The following RPL6 variants were observed in gnomAD, a reference collection of about 807,000 sequenced individuals.
The protein encoded by RPL6 is large ribosomal subunit protein eL6.
Under a neutral mutation model 32.1 loss-of-function variants are expected in RPL6, and 1 was observed. The observed-to-expected ratio is 0.03, with a 90% CI of 0.01 to 0.15. RPL6 has a LOEUF of 0.15. Among genes scored for constraint, RPL6 ranks in the 10% least tolerant of loss-of-function variants. The probability of loss-of-function intolerance (pLI) is 1.00; values close to 1 mark genes in which losing one functional copy is unlikely to be tolerated. For synonymous variants in RPL6, 126 were observed against 131.6 expected, an observed-to-expected ratio of 0.96 and a Z score of 0.29; for missense variants, 275 against 354.6, an observed-to-expected ratio of 0.78 and a Z score of 1.80.
rs748847984 is a variant in RPL6, at chr12:112,406,820, T to G, written c.407A>C (p.His136Pro). 6.2e-7 allele frequency: 1 copy of G among 1,614,234 alleles called. No homozygotes were observed. The highest frequency in any genetic ancestry group is 8.5e-7 in the Non-Finnish European group (1 of 1,180,038). ...LSHGKKPFSQ[H>P]VRKLRASITP... ...AATGCTGGCTCGCAGTTTTCTCACG[T>G]GCTGACTGAAGGGTTTTTTGCCGTG... is the stretch of plus-strand genomic sequence containing the variant. Residue 136 changes from histidine to proline, a missense_variant, in exon 4 of 7, where the codon CAC becomes CCC. Physicochemically the swap from His to Pro is moderately conservative, Grantham distance 77. Coordinates refer to ENST00000202773, the MANE Select transcript of RPL6 (RefSeq NM_000970.6).
chr12:112,409,219 G>A (rs750502834), intron 1 of RPL6: 2 of 370,582 alleles, frequency 5.4e-6, no homozygotes, highest in East Asian at 7.9e-5. Context: ...GCTTCAGTGC[G>A]GAACCCCAAC....
At position 112,408,433 on chromosome 12, in the gene RPL6, G is replaced by A. The variant is rs1317681229; in HGVS notation, c.224C>T (p.Ala75Val). 1 of 1,614,136 alleles carries A rather than the reference G, an allele frequency of 6.2e-7. No individual in the cohort carries two copies. The highest frequency in any genetic ancestry group is 2.2e-5 in the East Asian group (1 of 44,886). ...RKAMYKRKYSAAKSKVEKKKK... is the reference protein window; with the variant it reads ...RKAMYKRKYSVAKSKVEKKKK... ...CTCTTCCCTTACCTTGGATTTAGCG[G>A]CTGAGTACTTCCTCTTGTACATGGC... Residue 75 changes from alanine (A) to valine (V), a missense_variant, in exon 2 of 7, where the codon GCC becomes GTC. Transcript: ENST00000202773.
chr12:112,417,260 G>T (rs1390357832), intron 1 of RPL6, among the ~76,000 whole-genome samples: 1 of 152,008 alleles, frequency 6.6e-6, no homozygotes. Flanking sequence ...GTCTCACCAT[G>T]TTGGCCAGGC....
At chr12:112,413,318 C>T (rs919084036), upstream of RPL6, among the ~76,000 whole-genome samples, 12 of 152,180 alleles carry the variant, frequency 7.9e-5, no homozygotes, top group East Asian at 5.8e-4. Context: ...AGGTGGATCA[C>T]GAAGTCAGGA....
chr12:112,406,264 C>T, intron 5 of RPL6, 30 bp downstream of exon 5: 1 of 1,597,664 alleles, frequency 6.3e-7, no homozygotes, highest in South Asian at 1.1e-5. Flanking sequence ...GGAAGTTTCA[C>T]AGAACATCAC....
upstream of RPL6, among the ~76,000 whole-genome samples, chr12:112,411,989 C>T (rs2037345669): frequency 2.0e-5 from 3 of 151,776 alleles, no homozygotes; most frequent in Admixed American, 2.0e-4. Flanking sequence ...AAGCCATTCT[C>T]CTGCCTCAGC....
rs569141874 is a variant in RPL6, at chr12:112,406,678, G to A, written c.480+69C>T. 25 of 1,586,164 alleles carry A rather than the reference G, an allele frequency of 1.6e-5. No individual in the cohort carries two copies. The African/African-American group carries it at 1.9e-4, about 12-fold the overall frequency. Reference sequence around the variant, plus strand: ...TAAATAAAGGAAAAGTACACCTAGCGTGCAAACGCATTGCCACCAGGCACC... The same window carrying A: ...TAAATAAAGGAAAAGTACACCTAGCATGCAAACGCATTGCCACCAGGCACC... On this transcript the variant is annotated intron_variant, in intron 4 of 6. Transcript: ENST00000202773.
Position 112,406,047 on chromosome 12 carries a change from A to G in RPL6, c.530-10T>C, listed in dbSNP as rs779054031. 1.0e-4 allele frequency: 166 copies of G among 1,593,500 alleles called. No homozygotes were observed. Among genetic ancestry groups the G allele is most frequent in the Admixed American group, 2.2e-4 (12 of 55,448 alleles). ...TTGAGGACCAGAGGTCCTAAGGGGG[A>G]AAAATTAATTTAGCAAGGAAAAGGG... On this transcript the variant is annotated splice_polypyrimidine_tract_variant and intron_variant, in intron 5 of 6. Transcript: ENST00000202773.
chr12:112,410,205 G>T, upstream of RPL6: 1 of 192,756 alleles, frequency 5.2e-6, no homozygotes, highest in Non-Finnish European at 1.1e-5. Flanking sequence ...TGTAGTCCCA[G>T]CTATTCGGGA....
upstream of RPL6, among the ~76,000 whole-genome samples, chr12:112,410,016 A>G (rs1167865215): frequency 2.1e-5 from 3 of 143,992 alleles, no homozygotes; most frequent in Admixed American, 6.9e-5. Context: ...AAGAAAAAAA[A>G]AAAAAAAAGG....
At chr12:112,417,454 T>C (rs1677279740) in intron 1 of RPL6, among the ~76,000 whole-genome samples, 1 of 151,838 alleles carries the variant, frequency 6.6e-6, no homozygotes, top group Non-Finnish European at 1.5e-5. Flanking sequence ...CAGACCAGAA[T>C]ACTATAGTAT....
In RPL6 at chr12:112,405,609, G is replaced by A. The variant is rs546903829; in HGVS notation, c.715-233C>T. ...TAGGACACATCAAGGATAAGTAAGG[G>A]CACATTCCCAATACGATGGTAGCAG... is the stretch of plus-strand genomic sequence containing the variant. On this transcript the variant is annotated intron_variant, in intron 6 of 6. Coordinates refer to ENST00000202773, the MANE Select transcript of RPL6 (RefSeq NM_000970.6). 100 of 609,716 alleles carry A rather than the reference G, an allele frequency of 1.6e-4. 1 individual carries two copies. The South Asian group carries it at 2.2e-3, about 14-fold the overall frequency. 37.8% of individuals were successfully genotyped at this position (609,716 alleles called of 1,614,324 possible).
At chr12:112,411,497 G>A (rs2037340741), upstream of RPL6, 1 of 152,142 alleles carries the variant, frequency 6.6e-6, no homozygotes, top group South Asian at 2.1e-4. Flanking sequence ...TTGAGAATGG[G>A]AATGTCAGCA....
intron 1 of RPL6, chr12:112,408,994 G>C (rs545039942): frequency 6.7e-6 from 2 of 297,852 alleles, no homozygotes; most frequent in Non-Finnish European, 6.2e-6. Context: ...GATGCAGAAT[G>C]TGTCCACAGG....
chr12:112,408,133 C>T, intron 3 of RPL6, 107 bp downstream of exon 3: 1 of 792,012 alleles, frequency 1.3e-6, no homozygotes, highest in South Asian at 1.8e-5. Context: ...TATTTTCTAT[C>T]AGAAATTCTC....
chr12:112,408,771 C>A (rs374310609), intron 1 of RPL6, 115 bp from the exon 2 acceptor site: 1 of 845,462 alleles, frequency 1.2e-6, no homozygotes, highest in Non-Finnish European at 1.8e-6. Context: ...ATCCCTCCCC[C>A]GGTAAGATAC....
rs200082909 is a variant in RPL6, at chr12:112,405,899, C to T, written c.668G>A (p.Arg223Gln). ...CTCACCTTCCTGGTGTCTGGGCTTC[C>T]GCAGCTTCTTCTTCTTGAAGTAAGC... ...TDAYFKKKKL[R>Q]KPRHQEGEIF... Residue 223 changes from arginine (R) to glutamine (Q), a missense_variant, in exon 6 of 7, where the codon CGG becomes CAG. Coordinates refer to ENST00000202773, the MANE Select transcript of RPL6 (RefSeq NM_000970.6). 2.7e-4 allele frequency: 440 copies of T among 1,613,832 alleles called. 1 individual carries two copies. The highest frequency in any genetic ancestry group is 3.3e-4 in the Non-Finnish European group (393 of 1,179,904).
intron 1 of RPL6, among the ~76,000 whole-genome samples, chr12:112,417,793 G>A (rs1430038918): frequency 6.6e-6 from 1 of 151,230 alleles, no homozygotes; most frequent in Non-Finnish European, 1.5e-5. Context: ...GAGTAGCTGG[G>A]ACTACAGGCG....
At chr12:112,411,432 G>C (rs1210036839), upstream of RPL6, 1 of 152,106 alleles carries the variant, frequency 6.6e-6, no homozygotes, top group Admixed American at 6.5e-5. Context: ...CCTTTTTCTG[G>C]TTCTGATTCA....
Sources: allele counts gnomAD v4.1 joint callset (sites outside exome capture counted in the v4.1 genomes callset), GRCh38; gene constraint gnomAD v4.1.1; transcripts MANE v1.5; gene names NCBI Gene and HGNC (gene_info 2026-07-23, HGNC 2026-07-21).